Variants in ACYP2 observed in about 807,000 individuals in gnomAD.
The protein encoded by ACYP2 is acylphosphatase-2.
In ACYP2, 12 loss-of-function variants were observed where a neutral mutation model predicts 11.2. That is an observed-to-expected ratio of 1.08 (90% confidence interval 0.69 to 1.74). The LOEUF (loss-of-function observed/expected upper bound fraction) is 1.74, where lower values mean the gene tolerates loss of function less well. Among genes scored for constraint, ACYP2 ranks in the 40% most tolerant of loss-of-function variants. The pLI is 0.00. For synonymous variants in ACYP2, 43 were observed against 32.2 expected, an observed-to-expected ratio of 1.33 and a Z score of -1.13; for missense variants, 134 against 101.9, an observed-to-expected ratio of 1.31 and a Z score of -1.35.
chr2:53,982,828 C>CTGTGTGTGTGTG lies in ACYP2; in HGVS notation c.62+9053_62+9064dup, dbSNP rs3066946. Among the ~76,000 whole-genome samples, 548 of 140,586 alleles carry CTGTGTGTGTGTG rather than the reference C, an allele frequency of 3.9e-3. 1 individual carries two copies. The highest frequency in any genetic ancestry group is 5.2e-3 in the African/African-American group (193 of 36,766). 92.2% of individuals were successfully genotyped at this position (140,586 alleles called of 152,430 possible). A position where few individuals can be genotyped will look rare whatever the true frequency, so the allele number is the denominator to read the frequency against. ...CATACAACAAATCCTTCACACAAGA[C>CTGTGTGTGTGTG]TGTGTGTGTGTGTGTGTGTGTGTGT... On this transcript the variant is annotated intron_variant, in intron 2 of 6. Coordinates refer to ENST00000607452, the MANE Select transcript of ACYP2 (RefSeq NM_001320586.2).
intron 2 of ACYP2, among the ~76,000 whole-genome samples, chr2:54,042,033 G>A (rs1456783791): frequency 2.8e-5 from 4 of 144,930 alleles, no homozygotes; most frequent in Non-Finnish European, 4.5e-5. Context: ...TTGAGATGGA[G>A]TTTCACTCTT....
At chr2:54,245,877 A>G (rs945899780) in intron 6 of ACYP2, among the ~76,000 whole-genome samples, 3 of 151,788 alleles carry the variant, frequency 2.0e-5, no homozygotes, top group African/African-American at 7.3e-5. Flanking sequence ...TAATCTGTTC[A>G]TTTTTGCTTT....
At chr2:54,027,840 T>A (rs1674378273) in intron 2 of ACYP2, among the ~76,000 whole-genome samples, 1 of 134,728 alleles carries the variant, frequency 7.4e-6, no homozygotes, top group Non-Finnish European at 1.6e-5. Context: ...TTTCTTTCTT[T>A]TTTTTTTTTT....
intron 4 of ACYP2, among the ~76,000 whole-genome samples, chr2:54,101,435 CTGAGG>C (rs1431576018): frequency 6.6e-6 from 1 of 152,076 alleles, no homozygotes; most frequent in Non-Finnish European, 1.5e-5. Flanking sequence ...CTTTGGGAGG[CTGAGG>C]TGAGCAGATC....
At chr2:54,182,948 T>C (rs1469638061) in intron 6 of ACYP2, among the ~76,000 whole-genome samples, 1 of 152,146 alleles carries the variant, frequency 6.6e-6, no homozygotes, top group Non-Finnish European at 1.5e-5. Context: ...AACATCAACA[T>C]GATAATGATG....
At chr2:54,242,566 T>C (rs843652) in intron 6 of ACYP2, among the ~76,000 whole-genome samples, 38,460 of 152,208 alleles carry the variant, frequency 0.25, 5,134 homozygotes, top group South Asian at 0.46. Flanking sequence ...TGATCAACGA[T>C]GAACTGCATA....
chr2:54,220,459 T>C (rs1278016324), intron 6 of ACYP2, among the ~76,000 whole-genome samples: 3 of 152,242 alleles, frequency 2.0e-5, no homozygotes, highest in Non-Finnish European at 4.4e-5. Context: ...TAAATCAATC[T>C]TAATATATTT....
chr2:53,990,668 G>GA (rs1001202727), intron 2 of ACYP2, among the ~76,000 whole-genome samples: 5 of 142,478 alleles, frequency 3.5e-5, no homozygotes, highest in Middle Eastern at 3.7e-3. Flanking sequence ...AAAAAAAAAA[G>GA]AAAAAAAAAG....
At position 54,304,795 on chromosome 2, in the gene ACYP2, G is replaced by C. The variant is rs745483563; in HGVS notation, c.512G>C (p.Arg171Thr). 4 of 1,561,522 alleles carry C rather than the reference G, an allele frequency of 2.6e-6. No individual in the cohort carries two copies. Among genetic ancestry groups the C allele is most frequent in the Admixed American group, 1.7e-5 (1 of 59,580 alleles). Reference sequence around the variant, plus strand: ...CTTGAATACTCTAATTTTAGTATTAGATACTAATAGAAGAGAAAAATTGTA... The same window carrying C: ...CTTGAATACTCTAATTTTAGTATTACATACTAATAGAAGAGAAAAATTGTA... Residue 171 changes from arginine to threonine, a missense_variant, in exon 7 of 7, where the codon AGA becomes ACA. Physicochemically the swap from Arg to Thr is moderately conservative, Grantham distance 71. Transcript: ENST00000607452.
chr2:54,177,726 C>T (rs1201144165), intron 6 of ACYP2, among the ~76,000 whole-genome samples: 2 of 151,586 alleles, frequency 1.3e-5, no homozygotes, highest in African/African-American at 2.4e-5. Context: ...TACAGGCACG[C>T]ACCACCATGC....
At chr2:54,035,845 A>C (rs1032393182) in intron 2 of ACYP2, among the ~76,000 whole-genome samples, 10 of 152,204 alleles carry the variant, frequency 6.6e-5, no homozygotes, top group Admixed American at 5.2e-4. Flanking sequence ...ATGAGGAAAT[A>C]AGATTGCCCT....
At chr2:54,221,736 G>T (rs1465732152) in intron 6 of ACYP2, among the ~76,000 whole-genome samples, 1 of 151,702 alleles carries the variant, frequency 6.6e-6, no homozygotes, top group East Asian at 1.9e-4. Context: ...TGGCCAGGCT[G>T]GTCTCAAACT....
intron 6 of ACYP2, among the ~76,000 whole-genome samples, chr2:54,217,385 G>C (rs988762157): frequency 1.7e-4 from 26 of 151,992 alleles, no homozygotes; most frequent in African/African-American, 6.0e-4. Flanking sequence ...TGTTTGTTTT[G>C]AGACAGGGTC....
At chr2:54,018,228 C>T (rs147002661) in intron 2 of ACYP2, among the ~76,000 whole-genome samples, 1 of 152,258 alleles carries the variant, frequency 6.6e-6, no homozygotes, top group African/African-American at 2.4e-5. Flanking sequence ...TCACTGAGCC[C>T]CTCCCCCAGA....
rs1572751767 is a variant in ACYP2 at position 54,099,985 on chromosome 2, C to T, written c.278-35468C>T. Among the ~76,000 whole-genome samples the T allele has an allele frequency of 3.3e-5, 5 of 152,326 alleles. 2 individuals are homozygous for T. Among genetic ancestry groups the T allele is most frequent in the Admixed American group, 3.3e-4 (5 of 15,296 alleles). On this transcript the variant is annotated intron_variant, in intron 4 of 6. Coordinates refer to ENST00000607452, the MANE Select transcript of ACYP2 (RefSeq NM_001320586.2). ...ATCTTTTTCATCACAGCCATTCTAA[C>T]AGGTGTGAGGCGGTATCTCCTTGTG...
chr2:53,980,023 T>C (rs932219573), intron 2 of ACYP2, among the ~76,000 whole-genome samples: 1 of 152,046 alleles, frequency 6.6e-6, no homozygotes, highest in African/African-American at 2.4e-5. Context: ...CTAAGTATTA[T>C]TACAAAAGAG....
At chr2:54,113,633 G>C (rs897878445) in intron 4 of ACYP2, among the ~76,000 whole-genome samples, 1 of 152,068 alleles carries the variant, frequency 6.6e-6, no homozygotes, top group African/African-American at 2.4e-5. Context: ...TGTACTAGTG[G>C]GGAAGGCACA....
chr2:54,036,403 T>C (rs1421465454), intron 2 of ACYP2, among the ~76,000 whole-genome samples: 1 of 152,238 alleles, frequency 6.6e-6, no homozygotes, highest in Non-Finnish European at 1.5e-5. Flanking sequence ...CCAAAGTCCC[T>C]TTTGCCATGT....
At chr2:54,154,042 T>C (rs1346550791) in intron 6 of ACYP2, among the ~76,000 whole-genome samples, 1 of 152,158 alleles carries the variant, frequency 6.6e-6, no homozygotes, top group Non-Finnish European at 1.5e-5. Flanking sequence ...GTTAAACTTA[T>C]TCTCCTAAGG....
Sources: gnomAD v4.1 joint callset for allele counts (sites outside exome capture counted in the v4.1 genomes callset) on GRCh38, gnomAD v4.1.1 for gene constraint, MANE v1.5 for transcripts, NCBI Gene and HGNC (gene_info 2026-07-23, HGNC 2026-07-21) for gene names.